The following PLPPR1 variants were observed in gnomAD, a reference collection of about 807,000 sequenced individuals.
PLPPR1 encodes the protein phospholipid phosphatase-related protein type 1.
Under a neutral mutation model 33.1 loss-of-function variants are expected in PLPPR1, and 10 were observed. That is an observed-to-expected ratio of 0.30 (90% confidence interval 0.19 to 0.51). PLPPR1 has a LOEUF of 0.51. Ranked by LOEUF, PLPPR1 falls within the 20% of genes least tolerant of loss-of-function variation. PLPPR1 has a pLI of 0.97. For synonymous variants in PLPPR1, 151 were observed against 151.0 expected, an observed-to-expected ratio of 1.00 and a Z score of 0.00; for missense variants, 304 against 408.1, an observed-to-expected ratio of 0.74 and a Z score of 2.20.
At chr9:101,237,818 T>C (rs1041255613) in intron 2 of PLPPR1, among the ~76,000 whole-genome samples, 3 of 87,828 alleles carry the variant, frequency 3.4e-5, no homozygotes, top group Admixed American at 1.2e-4. Context: ...ATTGTGTGCA[T>C]ATATATATAT....
intron 1 of PLPPR1, among the ~76,000 whole-genome samples, chr9:101,032,429 C>T (rs149258698): frequency 1.2e-4 from 19 of 152,198 alleles, no homozygotes; most frequent in African/African-American, 4.3e-4. Context: ...ATCTGAAAGA[C>T]AAGTGAAATA....
chr9:101,108,983 G>T, intron 1 of PLPPR1, among the ~76,000 whole-genome samples: 1 of 145,098 alleles, frequency 6.9e-6, no homozygotes, highest in African/African-American at 2.6e-5. Flanking sequence ...TTTTGAGATG[G>T]AGTCTCCCTC....
intron 1 of PLPPR1, among the ~76,000 whole-genome samples, chr9:101,179,708 G>C (rs530114581): frequency 6.6e-6 from 1 of 152,154 alleles, no homozygotes; most frequent in Non-Finnish European, 1.5e-5. Context: ...ACAAGGGGTA[G>C]ACTTGTGATG....
intron 1 of PLPPR1, among the ~76,000 whole-genome samples, chr9:101,182,302 G>A (rs1175004778): frequency 6.6e-6 from 1 of 151,538 alleles, no homozygotes; most frequent in East Asian, 1.9e-4. Context: ...AGATAGACAG[G>A]AGGCATAAGC....
At chr9:101,209,668 C>T (rs7040592) in intron 2 of PLPPR1, among the ~76,000 whole-genome samples, 6,130 of 152,288 alleles carry the variant, frequency 0.04, 376 homozygotes, top group African/African-American at 0.14. Context: ...ATTGACACTG[C>T]AGTTTTCTTG....
chr9:101,107,956 C>T (rs1264084745), intron 1 of PLPPR1, among the ~76,000 whole-genome samples: 2 of 150,574 alleles, frequency 1.3e-5, no homozygotes, highest in African/African-American at 5.0e-5. Context: ...AAAGGGAACT[C>T]CCTGACCCCT....
At chr9:101,056,814 A>C (rs1298937062) in intron 1 of PLPPR1, among the ~76,000 whole-genome samples, 1 of 152,186 alleles carries the variant, frequency 6.6e-6, no homozygotes, top group Non-Finnish European at 1.5e-5. Context: ...GATTGTGATC[A>C]TGTCAGTGGA....
chr9:101,032,382 G>A (rs939709078), intron 1 of PLPPR1, among the ~76,000 whole-genome samples: 27 of 152,164 alleles, frequency 1.8e-4, no homozygotes, highest in African/African-American at 5.8e-4. Flanking sequence ...GTTAAATGAT[G>A]AGGGTGGTGG....
chr9:101,245,601 G>C (rs977478024), intron 2 of PLPPR1, among the ~76,000 whole-genome samples: 1 of 151,982 alleles, frequency 6.6e-6, no homozygotes, highest in Non-Finnish European at 1.5e-5. Context: ...ATTTTTTCTA[G>C]TGCATATCAA....
intron 3 of PLPPR1, among the ~76,000 whole-genome samples, chr9:101,285,609 T>C (rs955561473): frequency 1.3e-4 from 20 of 152,302 alleles, no homozygotes; most frequent in Admixed American, 8.5e-4. Flanking sequence ...CATAGACTAA[T>C]TGATATAAAG....
At chr9:101,212,230 G>A (rs150164791) in intron 2 of PLPPR1, among the ~76,000 whole-genome samples, 4,093 of 152,072 alleles carry the variant, frequency 0.027, 187 homozygotes, top group African/African-American at 0.093. Flanking sequence ...TTACAGACAT[G>A]TGCCACCATG....
chr9:101,294,418 T>C (rs1356968134), intron 4 of PLPPR1, among the ~76,000 whole-genome samples: 3 of 151,200 alleles, frequency 2.0e-5, no homozygotes, highest in South Asian at 2.1e-4. Context: ...TTCCAATCAA[T>C]AGAAAAAGAG....
At chr9:101,234,041 G>A (rs1164670031) in intron 2 of PLPPR1, among the ~76,000 whole-genome samples, 3 of 151,790 alleles carry the variant, frequency 2.0e-5, no homozygotes, top group Non-Finnish European at 4.4e-5. Context: ...GAATTCTTGG[G>A]GTAGGGAGAA....
intron 1 of PLPPR1, among the ~76,000 whole-genome samples, chr9:101,055,453 A>G (rs1830268765): frequency 6.6e-6 from 1 of 152,210 alleles, no homozygotes; most frequent in Non-Finnish European, 1.5e-5. Context: ...CAAGTGTTTC[A>G]AGTAAATCAA....
intron 2 of PLPPR1, among the ~76,000 whole-genome samples, chr9:101,217,185 A>G (rs1247462377): frequency 6.6e-6 from 1 of 152,188 alleles, no homozygotes; most frequent in African/African-American, 2.4e-5. Context: ...TCTTTGAGGT[A>G]GTAATTATTG....
chr9:101,150,782 C>CCTG (rs1183617722), intron 1 of PLPPR1, among the ~76,000 whole-genome samples: 2 of 152,096 alleles, frequency 1.3e-5, no homozygotes. Context: ...GATCCAGCTC[C>CCTG]CTGCTGATCT....
chr9:101,281,729 A>G (rs1338889971), intron 3 of PLPPR1, among the ~76,000 whole-genome samples: 4 of 152,152 alleles, frequency 2.6e-5, no homozygotes, highest in African/African-American at 9.6e-5. Context: ...AAGATTCAAA[A>G]TCAGAGATGA....
At chr9:101,133,386 G>A (rs555002790) in intron 1 of PLPPR1, among the ~76,000 whole-genome samples, 2 of 152,242 alleles carry the variant, frequency 1.3e-5, no homozygotes, top group South Asian at 2.1e-4. Flanking sequence ...ACATGAGAAC[G>A]CAGGAAAGTG....
At chr9:101,236,541 C>CACAG (rs1827303327) in intron 2 of PLPPR1, among the ~76,000 whole-genome samples, 1 of 150,390 alleles carries the variant, frequency 6.6e-6, no homozygotes, top group Non-Finnish European at 1.5e-5. Flanking sequence ...TAAACTCACA[C>CACAG]ACACACACAC....
Sources: allele counts gnomAD v4.1 joint callset (sites outside exome capture counted in the v4.1 genomes callset), GRCh38; gene constraint gnomAD v4.1.1; transcripts MANE v1.5; gene names NCBI Gene and HGNC (gene_info 2026-07-23, HGNC 2026-07-21).